Variants in EYA4 observed in about 807,000 individuals in gnomAD.
EYA4 encodes protein phosphatase EYA4.
Under a neutral mutation model 87.9 loss-of-function variants are expected in EYA4, and 31 were observed. The ratio of observed to expected loss-of-function variants is 0.35; its 90% CI spans 0.27 to 0.48. The LOEUF (loss-of-function observed/expected upper bound fraction) is 0.48, where lower values mean the gene tolerates loss of function less well. Ranked by LOEUF, EYA4 falls within the 20% of genes least tolerant of loss-of-function variation. The pLI, the probability that EYA4 is intolerant of heterozygous loss-of-function variation, is 0.99. For synonymous variants in EYA4, 263 were observed against 270.6 expected (o/e 0.97, Z 0.28); for missense variants, 678 against 761.4 (o/e 0.89, Z 1.29).
At chr6:133,509,652 A>G (rs926619689) in intron 14 of EYA4, among the ~76,000 whole-genome samples, 2 of 152,236 alleles carry the variant, frequency 1.3e-5, no homozygotes, top group Non-Finnish European at 1.5e-5. Flanking sequence ...TCCAGAAAAG[A>G]AGTCTCAGGA....
chr6:133,331,356 C>T (rs1243398249), intron 2 of EYA4, among the ~76,000 whole-genome samples: 2 of 152,098 alleles, frequency 1.3e-5, no homozygotes, highest in African/African-American at 2.4e-5. Context: ...AGCAGAATGG[C>T]AGAACCCAAT....
intron 2 of EYA4, among the ~76,000 whole-genome samples, chr6:133,288,114 A>G (rs559901144): frequency 1.1e-4 from 16 of 151,894 alleles, no homozygotes; most frequent in Admixed American, 8.6e-4. Context: ...AGCCTGGGCG[A>G]CAGAGTGAGA....
chr6:133,432,565 C>T (rs1400508097), intron 3 of EYA4, among the ~76,000 whole-genome samples: 4 of 151,680 alleles, frequency 2.6e-5, no homozygotes, highest in Admixed American at 6.6e-5. Flanking sequence ...CCTGACATCT[C>T]CTGACACTGC....
At chr6:133,516,506 A>G (rs2128793473) in intron 17 of EYA4, among the ~76,000 whole-genome samples, 1 of 151,352 alleles carries the variant, frequency 6.6e-6, no homozygotes, top group Non-Finnish European at 1.5e-5. Context: ...AGGTCAGGAG[A>G]TTGAGACCAC....
At chr6:133,300,165 T>C (rs1408692348) in intron 2 of EYA4, among the ~76,000 whole-genome samples, 2 of 151,940 alleles carry the variant, frequency 1.3e-5, no homozygotes. Flanking sequence ...TGAAAATGTA[T>C]TATTGTAAAG....
At chr6:133,253,732 T>A (rs1236448879) in intron 1 of EYA4, among the ~76,000 whole-genome samples, 2 of 152,130 alleles carry the variant, frequency 1.3e-5, no homozygotes, top group African/African-American at 4.8e-5. Flanking sequence ...TCCTTAAGGC[T>A]CAGGCAGAAT....
chr6:133,485,839 G>A (rs1796640265), intron 13 of EYA4, among the ~76,000 whole-genome samples: 1 of 152,204 alleles, frequency 6.6e-6, no homozygotes. Flanking sequence ...CTATTGGAAG[G>A]GGATGAGAAA....
chr6:133,312,388 A>G (rs868389027), intron 2 of EYA4, among the ~76,000 whole-genome samples: 4 of 118,194 alleles, frequency 3.4e-5, no homozygotes, highest in South Asian at 5.4e-4. Context: ...GCGTGCACAC[A>G]CACACACACA....
intron 10 of EYA4, among the ~76,000 whole-genome samples, chr6:133,468,254 G>A (rs888700066): frequency 2.6e-5 from 4 of 152,030 alleles, no homozygotes; most frequent in Non-Finnish European, 5.9e-5. Context: ...CTTCAAACAC[G>A]TAGGTCCTGA....
intron 2 of EYA4, among the ~76,000 whole-genome samples, chr6:133,343,286 C>A (rs1782938515): frequency 6.6e-6 from 1 of 152,112 alleles, no homozygotes; most frequent in Non-Finnish European, 1.5e-5. Context: ...CCAGGATGAC[C>A]CTGTGACCTT....
At chr6:133,303,935 A>G (rs1779610189) in intron 2 of EYA4, among the ~76,000 whole-genome samples, 1 of 151,994 alleles carries the variant, frequency 6.6e-6, no homozygotes, top group African/African-American at 2.4e-5. Flanking sequence ...GTGGAGGTGG[A>G]GTGGTGGGTA....
intron 2 of EYA4, among the ~76,000 whole-genome samples, chr6:133,359,780 A>C (rs1296111422): frequency 6.6e-6 from 1 of 152,230 alleles, no homozygotes; most frequent in Non-Finnish European, 1.5e-5. Flanking sequence ...CCATTCTCTT[A>C]AGAGTTTCAA....
intron 2 of EYA4, among the ~76,000 whole-genome samples, chr6:133,339,154 G>T (rs1782600663): frequency 6.6e-6 from 1 of 152,138 alleles, no homozygotes; most frequent in Non-Finnish European, 1.5e-5. Context: ...TGAGAGTTTG[G>T]ATAGCCTGTA....
At chr6:133,242,088 C>A (rs1422992812) in intron 1 of EYA4, among the ~76,000 whole-genome samples, 2 of 152,220 alleles carry the variant, frequency 1.3e-5, no homozygotes, top group South Asian at 2.1e-4. Context: ...AGCAGTCCAG[C>A]GCGCGGCTTC....
chr6:133,389,308 C>T (rs2223435), intron 3 of EYA4, among the ~76,000 whole-genome samples: 27,770 of 152,036 alleles, frequency 0.18, 2,984 homozygotes, highest in East Asian at 0.31. Context: ...AGGAAGCCTT[C>T]CCTATCCAGC....
At chr6:133,346,844 A>G (rs1308732057) in intron 2 of EYA4, among the ~76,000 whole-genome samples, 1 of 152,122 alleles carries the variant, frequency 6.6e-6, no homozygotes, top group Non-Finnish European at 1.5e-5. Flanking sequence ...AACTTTCCAT[A>G]TGATGCAGAC....
At chr6:133,521,540 T>G (rs1352757043) in intron 17 of EYA4, among the ~76,000 whole-genome samples, 1 of 132,152 alleles carries the variant, frequency 7.6e-6, no homozygotes. Context: ...GTTCAACCAT[T>G]GTGGAAGTCA....
In EYA4 at chr6:133,312,022, G is replaced by A. The variant is rs113061025; in HGVS notation, c.33+37209G>A. On this transcript the variant is annotated intron_variant, in intron 2 of 19. Coordinates refer to ENST00000355286, the MANE Select transcript of EYA4 (RefSeq NM_004100.5). The stretch of plus-strand genomic sequence containing the variant: ...AGAATAGGTTCATGATTTTATGAAA[G>A]CAGGTAACAGTGAAGTCTTACTGAG... 7.4e-4 allele frequency among the ~76,000 whole-genome samples: 113 copies of A among 152,240 alleles called. No homozygotes were observed. The Middle Eastern group carries it at 0.014, about 18-fold the overall frequency.
intron 2 of EYA4, among the ~76,000 whole-genome samples, chr6:133,355,492 A>G (rs1248049608): frequency 1.3e-5 from 2 of 152,228 alleles, no homozygotes; most frequent in Non-Finnish European, 2.9e-5. Context: ...ATAGACAACT[A>G]TGCAGTCATG....
Sources: allele counts gnomAD v4.1 joint callset (sites outside exome capture counted in the v4.1 genomes callset), GRCh38; gene constraint gnomAD v4.1.1; transcripts MANE v1.5; gene names NCBI Gene and HGNC (gene_info 2026-07-23, HGNC 2026-07-21).